Variants in TWSG1 observed in about 807,000 individuals in gnomAD.
The protein encoded by TWSG1 is twisted gastrulation BMP signaling modulator 1.
TWSG1 carries 15 observed loss-of-function variants against 23.0 expected under a neutral mutation model. The observed-to-expected ratio is 0.65, with a 90% CI of 0.44 to 1.00. The LOEUF (loss-of-function observed/expected upper bound fraction) is 1.00. Among genes scored for constraint, TWSG1 ranks in the 50% least tolerant of loss-of-function variants. The pLI is 0.00. For synonymous variants in TWSG1, 86 were observed against 92.8 expected, an observed-to-expected ratio of 0.93 and a Z score of 0.42; for missense variants, 242 against 278.7, an observed-to-expected ratio of 0.87 and a Z score of 0.94.
At chr18:9,398,004 C>CAAA (rs573745689) in intron 4 of TWSG1, among the ~76,000 whole-genome samples, 17 of 84,688 alleles carry the variant, frequency 2.0e-4, no homozygotes, top group East Asian at 3.9e-4. Context: ...AACTCCATCT[C>CAAA]AAAAAAAAAA....
rs1325320793 is a variant in TWSG1, at chr18:9,390,249, C to G, written c.224-6031C>G. On this transcript the variant is annotated intron_variant, in intron 3 of 4. Coordinates refer to ENST00000262120, the MANE Select transcript of TWSG1 (RefSeq NM_020648.6). ...GATCTCGGTTCACTGCAACCTCCGC[C>G]CCTCCAGGTTCACGCCATTCTCCTG... is the stretch of plus-strand genomic sequence containing the variant. 5.3e-5 allele frequency among the ~76,000 whole-genome samples: 8 copies of G among 152,178 alleles called. No individual in the cohort carries two copies. The South Asian group carries it at 1.0e-3, about 20-fold the overall frequency.
intron 2 of TWSG1, among the ~76,000 whole-genome samples, chr18:9,354,344 T>G (rs2040515353): frequency 6.6e-6 from 1 of 152,198 alleles, no homozygotes; most frequent in Non-Finnish European, 1.5e-5. Context: ...GTGGTAGCAG[T>G]AAATAATTGG....
intron 2 of TWSG1, among the ~76,000 whole-genome samples, chr18:9,341,827 A>G (rs1349239593): frequency 4.0e-5 from 6 of 150,762 alleles, no homozygotes; most frequent in African/African-American, 1.5e-4. Flanking sequence ...TTTTTTAGCA[A>G]TGAGACAGAC....
rs2040564720 is a variant in TWSG1 at position 9,363,906 on chromosome 18, A to C, written c.223+3835A>C. Among the ~76,000 whole-genome samples, 3 of 152,212 alleles carry C rather than the reference A, an allele frequency of 2.0e-5. No individual in the cohort carries two copies. In the South Asian group the frequency reaches 6.2e-4, roughly 32 times the overall value. On this transcript the variant is annotated intron_variant, in intron 3 of 4. Coordinates refer to ENST00000262120, the MANE Select transcript of TWSG1 (RefSeq NM_020648.6). ...GCCTCCCAAAGTGCTGGGATTACAC[A>C]TGTGAGCCACCGCACCCGGCCATTT...
intron 2 of TWSG1, among the ~76,000 whole-genome samples, chr18:9,342,910 T>G (rs2040452333): frequency 6.6e-6 from 1 of 152,226 alleles, no homozygotes; most frequent in Non-Finnish European, 1.5e-5. Flanking sequence ...ATGGTTTGCC[T>G]GAATACAGAA....
intron 3 of TWSG1, among the ~76,000 whole-genome samples, chr18:9,367,298 G>T (rs1450637312): frequency 1.3e-5 from 2 of 152,070 alleles, no homozygotes; most frequent in Non-Finnish European, 2.9e-5. Flanking sequence ...TAGAGCTCTT[G>T]AATTTATTAT....
At chr18:9,397,222 T>C (rs891438023) in intron 4 of TWSG1, among the ~76,000 whole-genome samples, 1 of 152,250 alleles carries the variant, frequency 6.6e-6, no homozygotes, top group African/African-American at 2.4e-5. Flanking sequence ...ACAATGCTGC[T>C]TCTCTAATAA....
intron 2 of TWSG1, among the ~76,000 whole-genome samples, chr18:9,343,577 T>C (rs1352848072): frequency 2.6e-5 from 4 of 152,118 alleles, no homozygotes; most frequent in African/African-American, 9.7e-5. Flanking sequence ...TTAGAAGTCA[T>C]TTCCTATTCT....
chr18:9,362,427 C>T (rs1392912506), intron 3 of TWSG1, among the ~76,000 whole-genome samples: 2 of 152,170 alleles, frequency 1.3e-5, no homozygotes, highest in African/African-American at 2.4e-5. Context: ...AGGCTGGTCT[C>T]GAACTCCTGG....
chr18:9,355,577 A>T (rs2040522988), intron 2 of TWSG1, among the ~76,000 whole-genome samples: 1 of 152,172 alleles, frequency 6.6e-6, no homozygotes, highest in African/African-American at 2.4e-5. Context: ...GCTTCATAAA[A>T]CTGCTATTTA....
intron 2 of TWSG1, among the ~76,000 whole-genome samples, chr18:9,337,949 A>G (rs1233065581): frequency 2.6e-5 from 4 of 152,300 alleles, no homozygotes; most frequent in South Asian, 2.1e-4. Context: ...ATCTCTTCCA[A>G]TCATCAAGGC....
intron 3 of TWSG1, among the ~76,000 whole-genome samples, chr18:9,365,427 C>T (rs1452734075): frequency 6.6e-6 from 1 of 152,176 alleles, no homozygotes; most frequent in Non-Finnish European, 1.5e-5. Context: ...ATAATCCCAG[C>T]ACTCTGGGAG....
intron 2 of TWSG1, among the ~76,000 whole-genome samples, 166 bp from the exon 3 acceptor site, chr18:9,359,806 A>AT (rs1272235990): frequency 6.6e-6 from 1 of 152,224 alleles, no homozygotes; most frequent in Non-Finnish European, 1.5e-5. Flanking sequence ...TCTACGTGAC[A>AT]TTGTAGATAT....
At chr18:9,385,940 G>A (rs113153164) in intron 3 of TWSG1, among the ~76,000 whole-genome samples, 5 of 152,154 alleles carry the variant, frequency 3.3e-5, no homozygotes, top group South Asian at 2.1e-4. Flanking sequence ...AGGCCAAGGC[G>A]GATGGATCAC....
intron 3 of TWSG1, among the ~76,000 whole-genome samples, chr18:9,371,292 A>C (rs917328168): frequency 1.4e-4 from 21 of 150,292 alleles, no homozygotes; most frequent in Non-Finnish European, 2.5e-4. Flanking sequence ...GGATTTTAGA[A>C]ATCACTTTTT....
intron 4 of TWSG1, among the ~76,000 whole-genome samples, chr18:9,397,268 C>A (rs994234791): frequency 1.3e-5 from 2 of 152,040 alleles, no homozygotes; most frequent in African/African-American, 4.8e-5. Context: ...TCAGAGTATC[C>A]CATGAAGTCA....
At chr18:9,363,245 T>A (rs540997091) in intron 3 of TWSG1, among the ~76,000 whole-genome samples, 1 of 152,334 alleles carries the variant, frequency 6.6e-6, no homozygotes. Flanking sequence ...CCACCATAGT[T>A]GATTTTAATC....
At chr18:9,365,941 G>C (rs577817790) in intron 3 of TWSG1, among the ~76,000 whole-genome samples, 1 of 152,172 alleles carries the variant, frequency 6.6e-6, no homozygotes, top group Non-Finnish European at 1.5e-5. Context: ...AGGAGCTTGC[G>C]GCTGTAGTGA....
At chr18:9,366,583 A>G (rs929810650) in intron 3 of TWSG1, among the ~76,000 whole-genome samples, 1 of 152,206 alleles carries the variant, frequency 6.6e-6, no homozygotes, top group African/African-American at 2.4e-5. Context: ...TGGAACATCC[A>G]GGTTTTTCGT....
Sources: allele counts gnomAD v4.1 joint callset (sites outside exome capture counted in the v4.1 genomes callset), GRCh38; gene constraint gnomAD v4.1.1; transcripts MANE v1.5; gene names NCBI Gene and HGNC (gene_info 2026-07-23, HGNC 2026-07-21).